TMEM185A: variants seen among roughly 807,000 people sequenced by gnomAD.
TMEM185A encodes the protein family with sequence similarity 11, member A.
A neutral mutation model predicts 25.0 loss-of-function variants in TMEM185A; 9 were observed. The ratio of observed to expected loss-of-function variants is 0.36; its 90% CI spans 0.22 to 0.63. The LOEUF is 0.63. Ranked by LOEUF, TMEM185A falls within the 20% of genes least tolerant of loss-of-function variation. TMEM185A has a pLI of 0.68. For synonymous variants in TMEM185A, 45 were observed against 93.5 expected (o/e 0.48, Z 2.99); for missense variants, 103 against 237.4 (o/e 0.43, Z 3.72).
intron 1 of TMEM185A, among the ~76,000 whole-genome samples, chrX:149,620,188 G>A (rs1019553048): frequency 8.0e-5 from 9 of 112,015 alleles, no homozygotes; most frequent in African/African-American, 2.3e-4. Flanking sequence ...ACATGCACAC[G>A]TATGTTTATT....
intron 2 of TMEM185A, among the ~76,000 whole-genome samples, chrX:149,610,894 G>T (rs6654978): frequency 2.8e-3 from 318 of 112,071 alleles, no homozygotes; most frequent in African/African-American, 9.9e-3. Context: ...GGACTAGGAG[G>T]GTGGGACAAG....
At position 149,604,034 on chromosome X, in the gene TMEM185A, T is replaced by C. The variant is rs782286442; in HGVS notation, c.460A>G (p.Ile154Val). The change falls in exon 4 of 7, where the codon ATA becomes GTA. Residue 154 changes from isoleucine (I) to valine (V), a missense_variant. Physicochemically the swap from Ile to Val is conservative, Grantham distance 29 (BLOSUM62 3). Transcript: ENST00000600449. ...TTGTCCAGTCTTAAGGCAATGAATA[T>C]AAACTGGAGAATGTTGACAGAACAC... ...ILCSVNILQF[I>V]FIALRLDKII... 5 of 1,205,942 alleles carry C rather than the reference T, an allele frequency of 4.1e-6. No homozygotes were observed. The highest frequency in any genetic ancestry group is 4.4e-5 in the Admixed American group (2 of 45,718).
chrX:149,624,121 T>C (rs1466940357), intron 1 of TMEM185A, among the ~76,000 whole-genome samples: 4 of 112,561 alleles, frequency 3.6e-5, no homozygotes, highest in Non-Finnish European at 7.5e-5. Context: ...CTGGGAGAAA[T>C]GGGAGGTTCT....
intron 3 of TMEM185A, among the ~76,000 whole-genome samples, chrX:149,608,289 G>C (rs916297898): frequency 9.0e-5 from 10 of 110,694 alleles, no homozygotes; most frequent in African/African-American, 3.0e-4. Flanking sequence ...GTAAGAAATT[G>C]ACATCTGAAT....
At chrX:149,607,292 C>T (rs1602861911) in intron 3 of TMEM185A, among the ~76,000 whole-genome samples, 1 of 112,265 alleles carries the variant, frequency 8.9e-6, no homozygotes, top group East Asian at 2.8e-4. Context: ...TCTTCATCCA[C>T]ACGGCTCAAA....
rs2090065547 is a variant in TMEM185A, at chrX:149,608,667, G to A, written c.383C>T (p.Ala128Val). ...ATGTCGAAAGCCCCAAACGCAAGCTGCAACAGACACCGGGGAAACAAAGAA... is the reference window on the plus strand; with the variant it reads ...ATGTCGAAAGCCCCAAACGCAAGCTACAACAGACACCGGGGAAACAAAGAA... ...PLFFVSPVSV[A>V]ACVWGFRHDR... Residue 128 changes from alanine (A) to valine (V), a missense_variant, in exon 3 of 7, where the codon GCA (alanine) becomes GTA (valine). By Grantham distance (64) the Ala-to-Val change is moderately conservative. Coordinates refer to ENST00000600449, the MANE Select transcript of TMEM185A (RefSeq NM_032508.4). 8.3e-7 allele frequency: 1 copy of A among 1,210,000 alleles called. No individual in the cohort carries two copies. Among genetic ancestry groups the A allele is most frequent in the Non-Finnish European group, 1.1e-6 (1 of 895,298 alleles).
chrX:149,622,884 TTTTTA>T, intron 1 of TMEM185A, among the ~76,000 whole-genome samples: 1 of 112,053 alleles, frequency 8.9e-6, no homozygotes, highest in East Asian at 2.8e-4. Context: ...TTAAAAATTA[TTTTTA>T]TTTATTATGG....
At chrX:149,618,438 T>C (rs2090121966) in intron 1 of TMEM185A, among the ~76,000 whole-genome samples, 3 of 111,257 alleles carry the variant, frequency 2.7e-5, no homozygotes, top group South Asian at 7.6e-4. Flanking sequence ...CATAGCATCA[T>C]TGTGTCATGG....
chrX:149,625,990 C>T (rs889054621), intron 1 of TMEM185A, among the ~76,000 whole-genome samples: 5 of 112,226 alleles, frequency 4.5e-5, no homozygotes, highest in Middle Eastern at 4.6e-3. Context: ...TGGCATGGCA[C>T]GCAGGAAAGA....
intron 1 of TMEM185A, among the ~76,000 whole-genome samples, chrX:149,629,629 G>T (rs1557356400): frequency 8.9e-6 from 1 of 112,210 alleles, no homozygotes; most frequent in African/African-American, 3.2e-5. Context: ...TTTTAATGCA[G>T]GTAGAATTAA....
At chrX:149,617,306 G>A (rs191543591) in intron 1 of TMEM185A, among the ~76,000 whole-genome samples, 23 of 111,652 alleles carry the variant, frequency 2.1e-4, no homozygotes, top group Non-Finnish European at 3.6e-4. Context: ...TGACAGCCAA[G>A]CCACAAACTG....
intron 1 of TMEM185A, among the ~76,000 whole-genome samples, chrX:149,626,392 T>C (rs972857607): frequency 8.9e-6 from 1 of 112,568 alleles, no homozygotes; most frequent in Admixed American, 9.3e-5. Context: ...GCAGTAACTA[T>C]GTATTTTTAA....
At chrX:149,611,203 G>T in intron 2 of TMEM185A, 84 bp downstream of exon 2, 1 of 888,590 alleles carries the variant, frequency 1.1e-6, no homozygotes, top group Non-Finnish European at 1.6e-6. Context: ...AAAATAAAAT[G>T]GTCCTTACTT....
In TMEM185A at chrX:149,604,091, C is replaced by T. The variant is rs1557352897; in HGVS notation, c.424-21G>A. 4 of 1,104,371 alleles carry T rather than the reference C, an allele frequency of 3.6e-6. No homozygotes were observed. In the African/African-American group the frequency reaches 7.3e-5, roughly 20 times the overall value. 91.0% of individuals were successfully genotyped at this position (1,104,371 alleles called of 1,213,427 possible). ...TCTAACTAAAAATGAAGAGAAGAATCAGTTAAACAAAGTATAATTTGCATT... is the reference window on the plus strand; with the variant it reads ...TCTAACTAAAAATGAAGAGAAGAATTAGTTAAACAAAGTATAATTTGCATT... On this transcript the variant is annotated intron_variant, in intron 3 of 6. Coordinates refer to ENST00000600449, the MANE Select transcript of TMEM185A (RefSeq NM_032508.4).
intron 1 of TMEM185A, among the ~76,000 whole-genome samples, chrX:149,629,326 G>T (rs2090179494): frequency 9.0e-6 from 1 of 111,481 alleles, no homozygotes; most frequent in South Asian, 3.8e-4. Context: ...TAGCATCAAG[G>T]TTTGAGTCCC....
At position 149,631,530 on chromosome X, in the gene TMEM185A, G is replaced by A; in HGVS notation, c.38+13C>T. The A allele has an allele frequency of 8.6e-7, 1 of 1,163,220 alleles. No homozygotes were observed. The highest frequency in any genetic ancestry group is 1.9e-5 in the South Asian group (1 of 51,563). Reference sequence around the variant, plus strand: ...AGCGCGGACTCCCGGGGGCGCCAACGACGCCGCCTCACCTCGGGTTGAAGT... The same window carrying A: ...AGCGCGGACTCCCGGGGGCGCCAACAACGCCGCCTCACCTCGGGTTGAAGT... On this transcript the variant is annotated intron_variant, in intron 1 of 6. Coordinates refer to ENST00000600449, the MANE Select transcript of TMEM185A (RefSeq NM_032508.4).
chrX:149,603,092 G>A (rs1478632188), intron 4 of TMEM185A, among the ~76,000 whole-genome samples: 2 of 111,759 alleles, frequency 1.8e-5, no homozygotes, highest in African/African-American at 3.3e-5. Flanking sequence ...TCTGCCTTTA[G>A]TCTCCATCTT....
Position 149,631,684 on chromosome X carries a change from ACGCTGCTGCTCC to A in TMEM185A, c.-116_-105del. ...CATGGCGCCAGCGCCAGCCGCGTCCACGCTGCTGCTCCCGCTACTGCTGCCGTCCCCGCTGCC... is the reference window on the plus strand; with the variant it reads ...CATGGCGCCAGCGCCAGCCGCGTCCACGCTACTGCTGCCGTCCCCGCTGCC... On this transcript the variant is annotated 5_prime_UTR_variant, in exon 1 of 7. Transcript: ENST00000600449. The A allele has an allele frequency of 3.6e-6, 3 of 843,504 alleles. No homozygotes were observed. Among genetic ancestry groups the A allele is most frequent in the Non-Finnish European group, 4.8e-6 (3 of 622,275 alleles). 69.5% of individuals were successfully genotyped at this position (843,504 alleles called of 1,213,427 possible). A position where few individuals can be genotyped will look rare whatever the true frequency, so the allele number is the denominator to read the frequency against.
intron 2 of TMEM185A, among the ~76,000 whole-genome samples, chrX:149,609,729 GGTTAAT>G (rs2090071836): frequency 8.9e-6 from 1 of 112,190 alleles, no homozygotes; most frequent in African/African-American, 3.2e-5. Context: ...ATGTTCCACT[GGTTAAT>G]GTTAACATGA....
Sources: gnomAD v4.1 joint callset for allele counts (sites outside exome capture counted in the v4.1 genomes callset) on GRCh38, gnomAD v4.1.1 for gene constraint, MANE v1.5 for transcripts, NCBI Gene and HGNC (gene_info 2026-07-23, HGNC 2026-07-21) for gene names.